ZMYM2: variants seen among roughly 807,000 people sequenced by gnomAD.
ZMYM2 encodes zinc finger MYM-type containing 2, also known as zinc finger MYM-type protein 2.
A neutral mutation model predicts 162.8 loss-of-function variants in ZMYM2; 56 were observed. The ratio of observed to expected loss-of-function variants is 0.34; its 90% confidence interval spans 0.28 to 0.43. The LOEUF (loss-of-function observed/expected upper bound fraction) is 0.43, where lower values mean the gene tolerates loss of function less well. Ranked by LOEUF, ZMYM2 falls within the 20% of genes least tolerant of loss-of-function variation. The pLI is 1.00. For synonymous variants in ZMYM2, 510 were observed against 541.6 expected (o/e 0.94, Z 0.81); for missense variants, 1,275 against 1,621.8 (o/e 0.79, Z 3.67).
the ZMYM2 span, among the ~76,000 whole-genome samples, chr13:19,923,448 G>T: frequency 2.4e-4 from 34 of 143,294 alleles, no homozygotes; most frequent in Non-Finnish European, 4.4e-4. Context: ...TCATTGATTT[G>T]TAATTCCTTT....
the ZMYM2 span, among the ~76,000 whole-genome samples, chr13:19,918,218 G>A: frequency 6.6e-6 from 1 of 152,214 alleles, no homozygotes; most frequent in South Asian, 2.1e-4. Flanking sequence ...GCCAAGGTGG[G>A]TGGATTACCT....
intron 7 of ZMYM2, among the ~76,000 whole-genome samples, chr13:20,020,234 C>CTTT (rs71198951): frequency 7.3e-6 from 1 of 137,196 alleles, no homozygotes. Flanking sequence ...TATTCCTCTT[C>CTTT]TTTTTTTTTT....
At chr13:19,914,071 T>C in the ZMYM2 span, among the ~76,000 whole-genome samples, 1 of 152,176 alleles carries the variant, frequency 6.6e-6, no homozygotes, top group Non-Finnish European at 1.5e-5. Flanking sequence ...TGGCCAGATG[T>C]ATAATTATGT....
rs1952656956 is a variant in ZMYM2 at position 20,027,123 on chromosome 13, T to C, written c.1736-80T>C. ...AATAGTTTATTTTTTAACAGAAACTTCTATGATCTCAGTAGTTAAGATAAA... is the reference window on the plus strand; with the variant it reads ...AATAGTTTATTTTTTAACAGAAACTCCTATGATCTCAGTAGTTAAGATAAA... On this transcript the variant is annotated intron_variant, in intron 8 of 24. Transcript: ENST00000610343. 8 of 929,194 alleles carry C rather than the reference T, an allele frequency of 8.6e-6. No homozygotes were observed. The South Asian group carries it at 1.5e-4, about 18-fold the overall frequency. 57.6% of individuals were successfully genotyped at this position (929,194 alleles called of 1,614,324 possible).
At chr13:20,064,209 C>A (rs1956497616) in intron 18 of ZMYM2, among the ~76,000 whole-genome samples, 1 of 151,818 alleles carries the variant, frequency 6.6e-6, no homozygotes, top group Non-Finnish European at 1.5e-5. Flanking sequence ...TTTCTGGTAT[C>A]ATACATTTTC....
chr13:19,903,483 CA>C, the ZMYM2 span, among the ~76,000 whole-genome samples: 39,841 of 83,836 alleles, frequency 0.48, 6,964 homozygotes, highest in East Asian at 0.64. Flanking sequence ...ACTAAAAATA[CA>C]AAAAAAAAAA....
chr13:19,968,932 G>C (rs1735069458), intron 2 of ZMYM2, among the ~76,000 whole-genome samples: 1 of 152,142 alleles, frequency 6.6e-6, no homozygotes, highest in Non-Finnish European at 1.5e-5. Context: ...TAAACAAAGT[G>C]TAATAGGTAA....
At chr13:19,934,611 A>T in the ZMYM2 span, among the ~76,000 whole-genome samples, 1 of 151,750 alleles carries the variant, frequency 6.6e-6, no homozygotes, top group South Asian at 2.1e-4. Flanking sequence ...AGTTTTATGG[A>T]TATATTTTCT....
intron 12 of ZMYM2, among the ~76,000 whole-genome samples, chr13:20,039,510 G>C (rs1215591973): frequency 1.6e-5 from 2 of 126,606 alleles, no homozygotes; most frequent in South Asian, 2.6e-4. Context: ...GTCTCTCTCT[G>C]TTGCCCAGGC....
At chr13:19,866,906 A>T in the ZMYM2 span, among the ~76,000 whole-genome samples, 1 of 152,196 alleles carries the variant, frequency 6.6e-6, no homozygotes, top group Non-Finnish European at 1.5e-5. Flanking sequence ...AAAACAAAAA[A>T]AAAAGTTGTT....
intron 14 of ZMYM2, among the ~76,000 whole-genome samples, chr13:20,053,198 A>T (rs1175693369): frequency 6.6e-6 from 1 of 152,184 alleles, no homozygotes; most frequent in Non-Finnish European, 1.5e-5. Flanking sequence ...TCCTTATCCG[A>T]GGGAAGCTCT....
At chr13:20,076,525 G>A (rs895557024) in intron 21 of ZMYM2, among the ~76,000 whole-genome samples, 15 of 150,336 alleles carry the variant, frequency 1.0e-4, no homozygotes, top group African/African-American at 3.0e-4. Context: ...TTGCCCCATC[G>A]TTTATCTTTT....
At chr13:19,884,472 G>A in the ZMYM2 span, among the ~76,000 whole-genome samples, 1 of 152,056 alleles carries the variant, frequency 6.6e-6, no homozygotes, top group Admixed American at 6.6e-5. Context: ...CAGCTACTCG[G>A]GAGGCCGAGG....
At chr13:19,909,381 T>C in the ZMYM2 span, among the ~76,000 whole-genome samples, 1 of 151,994 alleles carries the variant, frequency 6.6e-6, no homozygotes, top group African/African-American at 2.4e-5. Context: ...TTCTGGCTGT[T>C]GTCTGGTTGC....
chr13:19,864,108 G>C, the ZMYM2 span: 2 of 152,530 alleles, frequency 1.3e-5, no homozygotes, highest in Non-Finnish European at 2.9e-5. Flanking sequence ...CGGCGGCCTG[G>C]ATGCCCCAGC....
chr13:20,000,174 T>G (rs6490505), intron 3 of ZMYM2, among the ~76,000 whole-genome samples: 16,665 of 152,192 alleles, frequency 0.11, 1,543 homozygotes, highest in African/African-American at 0.25. Flanking sequence ...TGACATTTCC[T>G]TAAGCCAAAG....
chr13:19,992,277 G>A (rs1005785731), intron 2 of ZMYM2, among the ~76,000 whole-genome samples: 5 of 152,200 alleles, frequency 3.3e-5, no homozygotes, highest in Admixed American at 6.5e-5. Flanking sequence ...AGATGGCCAG[G>A]CACAATGGCC....
chr13:19,979,282 A>G (rs1323818642), intron 2 of ZMYM2, among the ~76,000 whole-genome samples: 2 of 151,992 alleles, frequency 1.3e-5, no homozygotes, highest in African/African-American at 4.8e-5. Context: ...GGATATGTAT[A>G]TTTATCATCA....
At chr13:19,864,943 C>T in the ZMYM2 span, 2 of 152,290 alleles carry the variant, frequency 1.3e-5, no homozygotes, top group African/African-American at 4.8e-5. Flanking sequence ...TTCGTCTCGC[C>T]CTGGCGGTTC....
Sources: gnomAD v4.1 joint callset for allele counts (sites outside exome capture counted in the v4.1 genomes callset) on GRCh38, gnomAD v4.1.1 for gene constraint, MANE v1.5 for transcripts, NCBI Gene and HGNC (gene_info 2026-07-23, HGNC 2026-07-21) for gene names.